Variants in CCDC33 observed in about 807,000 individuals in gnomAD.
CCDC33 encodes coiled-coil domain-containing protein 33.
In CCDC33, 94 loss-of-function variants were observed where a neutral mutation model predicts 91.9. That is an observed-to-expected ratio of 1.02 (90% CI 0.87 to 1.21). The LOEUF is 1.21. CCDC33 is among the 50% of genes most tolerant of loss of function. The probability of loss-of-function intolerance (pLI) is 0.00; values close to 1 mark genes in which losing one functional copy is unlikely to be tolerated. For missense variants in CCDC33, 940 were observed against 935.5 expected, an observed-to-expected ratio of 1.00 and a Z score of -0.06; for synonymous variants, 396 against 374.5, an observed-to-expected ratio of 1.06 and a Z score of -0.66.
chr15:74,312,123 C>T (rs2060003955), intron 11 of CCDC33, among the ~76,000 whole-genome samples: 1 of 152,198 alleles, frequency 6.6e-6, no homozygotes, highest in South Asian at 2.1e-4. Context: ...GGAAGGTGCC[C>T]ATCAGAGTCC....
intron 11 of CCDC33, among the ~76,000 whole-genome samples, chr15:74,317,450 G>A (rs748620257): frequency 6.6e-6 from 1 of 152,180 alleles, no homozygotes; most frequent in Non-Finnish European, 1.5e-5. Flanking sequence ...CCACAACACC[G>A]GCAGAAGCCA....
At chr15:74,290,535 T>C (rs1050768180) in intron 10 of CCDC33, among the ~76,000 whole-genome samples, 5 of 152,124 alleles carry the variant, frequency 3.3e-5, no homozygotes, top group Admixed American at 2.0e-4. Context: ...GATTGGTGCA[T>C]TGAATATACA....
intron 11 of CCDC33, among the ~76,000 whole-genome samples, chr15:74,328,181 T>C (rs1596132495): frequency 6.6e-6 from 1 of 152,282 alleles, no homozygotes; most frequent in Admixed American, 6.5e-5. Flanking sequence ...CCATCAGTAA[T>C]GGGCTGCCAT....
chr15:74,217,093 A>T (rs913684098), upstream of CCDC33: 2 of 310,542 alleles, frequency 6.4e-6, no homozygotes, highest in African/African-American at 4.4e-5. Flanking sequence ...ATCGATGGAA[A>T]AAAACTTCCC....
intron 10 of CCDC33, among the ~76,000 whole-genome samples, chr15:74,289,193 G>A (rs546258855): frequency 8.5e-5 from 13 of 152,282 alleles, no homozygotes; most frequent in East Asian, 3.9e-4. Flanking sequence ...GATAAACATC[G>A]CCAGCACCAC....
At chr15:74,237,127 A>G (rs2075189382) in intron 1 of CCDC33, among the ~76,000 whole-genome samples, 6 of 151,968 alleles carry the variant, frequency 3.9e-5, no homozygotes. Context: ...CATTGCCCCC[A>G]TGCTCTCCAA....
intron 11 of CCDC33, chr15:74,303,225 A>G (rs2059828428): frequency 1.3e-5 from 2 of 152,352 alleles, no homozygotes; most frequent in African/African-American, 4.8e-5. Context: ...GGGTGGTGAC[A>G]TTGCAAAGCC....
At chr15:74,288,369 G>T (rs2059519983) in intron 10 of CCDC33, among the ~76,000 whole-genome samples, 1 of 152,190 alleles carries the variant, frequency 6.6e-6, no homozygotes, top group Admixed American at 6.5e-5. Context: ...TTGTCCTGCT[G>T]ATTGTCTCCT....
intron 3 of CCDC33, among the ~76,000 whole-genome samples, chr15:74,265,071 G>A (rs1873423178): frequency 6.6e-6 from 1 of 152,110 alleles, no homozygotes; most frequent in Admixed American, 6.5e-5. Flanking sequence ...CAGGGTCGCT[G>A]TGGGGAAGAC....
At chr15:74,268,526 A>C in intron 5 of CCDC33, 68 bp downstream of exon 5, 1 of 1,235,354 alleles carries the variant, frequency 8.1e-7, no homozygotes, top group Admixed American at 1.7e-5. Flanking sequence ...AGCAGGCCCC[A>C]CGCCTTGCCC....
intron 2 of CCDC33, among the ~76,000 whole-genome samples, chr15:74,223,774 G>A (rs76203096): frequency 9.6e-5 from 14 of 145,614 alleles, no homozygotes; most frequent in African/African-American, 3.3e-4. Context: ...ACGCAAGCAT[G>A]CACACACACA....
At chr15:74,232,524 CCTT>C (rs1431602892), upstream of CCDC33, among the ~76,000 whole-genome samples, 1 of 152,194 alleles carries the variant, frequency 6.6e-6, no homozygotes, top group Non-Finnish European at 1.5e-5. Flanking sequence ...CCACACTTGG[CCTT>C]CTCTTTTCCT....
intron 10 of CCDC33, among the ~76,000 whole-genome samples, chr15:74,284,672 G>A (rs351209): frequency 0.72 from 109,419 of 152,096 alleles, 40,867 homozygotes; most frequent in Non-Finnish European, 0.84. Context: ...AATAATTCAT[G>A]TCAGCTAATG....
At chr15:74,273,449 G>T in intron 7 of CCDC33, among the ~76,000 whole-genome samples, 1 of 152,230 alleles carries the variant, frequency 6.6e-6, no homozygotes, top group East Asian at 1.9e-4. Context: ...TGAATGTTGT[G>T]TTACGTATAT....
intron 11 of CCDC33, among the ~76,000 whole-genome samples, chr15:74,313,640 G>A (rs1035992099): frequency 2.6e-5 from 4 of 151,916 alleles, no homozygotes; most frequent in South Asian, 2.1e-4. Flanking sequence ...GGATGGTCTC[G>A]AACACCTGAC....
chr15:74,298,140 G>C (rs1485248016), intron 11 of CCDC33, among the ~76,000 whole-genome samples: 2 of 152,222 alleles, frequency 1.3e-5, no homozygotes, highest in East Asian at 3.8e-4. Flanking sequence ...TTAGGTCTGA[G>C]AGTCTTTGAG....
rs945218078 is a variant in CCDC33 at position 74,244,610 on chromosome 15, A to G, written c.185+462A>G. Among the ~76,000 whole-genome samples the G allele has an allele frequency of 2.6e-5, 4 of 151,096 alleles. No homozygotes were observed. The highest frequency in any genetic ancestry group is 4.4e-5 in the Non-Finnish European group (3 of 67,794). On this transcript the variant is annotated intron_variant, in intron 2 of 18. Transcript: ENST00000398814. This position sits in a 1 kb window ranked among gnomAD's most constrained non-coding sequence, Gnocchi z 4.2. ...CCCTCCTTCTCCAGTCACTTCTATT[A>G]TGGGGACTCCCCTAGTTCTGGGCCT...
intron 2 of CCDC33, among the ~76,000 whole-genome samples, chr15:74,229,190 A>G (rs2074894098): frequency 6.6e-6 from 1 of 152,118 alleles, no homozygotes; most frequent in African/African-American, 2.4e-5. Context: ...CCATTTTCTT[A>G]TCTTTAAAAT....
chr15:74,310,565 T>G (rs2142739787), intron 11 of CCDC33, among the ~76,000 whole-genome samples: 1 of 151,660 alleles, frequency 6.6e-6, no homozygotes, highest in South Asian at 2.1e-4. Flanking sequence ...AAATTTGAAT[T>G]TTGAGACCGA....
Sources: gnomAD v4.1 joint callset for allele counts (sites outside exome capture counted in the v4.1 genomes callset) on GRCh38, gnomAD v4.1.1 for gene constraint, Gnocchi (gnomAD v3.1) non-coding constraint, MANE v1.5 for transcripts, NCBI Gene and HGNC (gene_info 2026-07-23, HGNC 2026-07-21) for gene names.